Variants in SMIM40 observed in about 807,000 individuals in gnomAD.
The protein encoded by SMIM40 is small integral membrane protein 40.
intron 1 of SMIM40, among the ~76,000 whole-genome samples, chr6:33,327,861 CAAAAAAA>C (rs375476107): frequency 1.4e-5 from 1 of 70,336 alleles, no homozygotes; most frequent in African/African-American, 5.6e-5. Flanking sequence ...GACTCTGTCA[CAAAAAAA>C]AAAAAAAAAA....
chr6:33,327,027 G>A (rs1350054763), intron 1 of SMIM40, among the ~76,000 whole-genome samples: 1 of 149,204 alleles, frequency 6.7e-6, no homozygotes, highest in Non-Finnish European at 1.5e-5. Context: ...GGGAGGCTGA[G>A]GCAGGAGAAT....
intron 1 of SMIM40, among the ~76,000 whole-genome samples, chr6:33,328,309 T>C (rs1771339853): frequency 6.6e-6 from 1 of 150,990 alleles, no homozygotes; most frequent in South Asian, 2.1e-4. Flanking sequence ...CCTCAGCCTC[T>C]GAGTAGCTGA....
rs1171129560 is a variant in SMIM40, at chr6:33,323,636, T to A, written c.*328A>T. 1 of 152,310 alleles carries A rather than the reference T, an allele frequency of 6.6e-6. No homozygotes were observed. The highest frequency in any genetic ancestry group is 1.5e-5 in the Non-Finnish European group (1 of 68,058). The allele number at this position is 152,310 out of a possible 1,614,324, so 9.4% of individuals were successfully genotyped here. A position where few individuals can be genotyped will look rare whatever the true frequency, so the allele number is the denominator to read the frequency against. On this transcript the variant is annotated 3_prime_UTR_variant, in exon 3 of 3. Transcript: ENST00000494082. ...ATGAGCACAACGCGCCATAAAAGTG[T>A]TATTGTTATTACTATTGTTGCTGAT...
In SMIM40 at chr6:33,328,752, G is replaced by T. The variant is rs182580354; in HGVS notation, c.*39+235C>A. On this transcript the variant is annotated intron_variant, in intron 1 of 2. Coordinates refer to ENST00000494082, the MANE Select transcript of SMIM40 (RefSeq NM_001369203.1). ...AAATACAAAATTAGCAGGGGGCGGT[G>T]GCGCATGCCTGTAATCCCAGCTACT... 1.9e-3 allele frequency among the ~76,000 whole-genome samples: 286 copies of T among 152,026 alleles called. 3 individuals carry two copies. Among genetic ancestry groups the T allele is most frequent in the Middle Eastern group, 6.8e-3 (2 of 294 alleles).
chr6:33,324,440 G>T (rs1179149097), intron 1 of SMIM40, among the ~76,000 whole-genome samples: 1 of 147,258 alleles, frequency 6.8e-6, no homozygotes, highest in Non-Finnish European at 1.5e-5. Context: ...CCCCTCAAAA[G>T]TATAGTTCTC....
chr6:33,325,289 C>T (rs1771097454), intron 1 of SMIM40, among the ~76,000 whole-genome samples: 1 of 142,996 alleles, frequency 7.0e-6, no homozygotes, highest in African/African-American at 2.7e-5. Flanking sequence ...ATCGCTTGAA[C>T]CCGGGAGGCG....
intron 1 of SMIM40, among the ~76,000 whole-genome samples, chr6:33,326,323 G>C (rs1008781953): frequency 1.3e-4 from 18 of 139,170 alleles, no homozygotes; most frequent in Non-Finnish European, 2.7e-4. Context: ...ACCATGCCCA[G>C]CTAATTTTTT....
intron 1 of SMIM40, among the ~76,000 whole-genome samples, chr6:33,324,555 T>C (rs1426583014): frequency 6.7e-6 from 1 of 149,712 alleles, no homozygotes; most frequent in East Asian, 1.9e-4. Flanking sequence ...CTTTTTTTTT[T>C]TTTTTTTTTT....
intron 1 of SMIM40, among the ~76,000 whole-genome samples, chr6:33,324,882 CAAAAAAAAA>C (rs376451265): frequency 5.9e-4 from 28 of 47,240 alleles, no homozygotes; most frequent in South Asian, 2.7e-3. Flanking sequence ...GAGATTATCT[CAAAAAAAAA>C]AAAAAAAAAA....
At chr6:33,327,194 G>T (rs1771250344) in intron 1 of SMIM40, among the ~76,000 whole-genome samples, 1 of 149,170 alleles carries the variant, frequency 6.7e-6, no homozygotes, top group Admixed American at 6.6e-5. Flanking sequence ...GGCCGAGGCA[G>T]GCAGATCACG....
intron 1 of SMIM40, among the ~76,000 whole-genome samples, chr6:33,324,880 CT>C (rs1771056236): frequency 4.5e-5 from 1 of 22,000 alleles, no homozygotes; most frequent in Non-Finnish European, 9.0e-5. Flanking sequence ...GCGAGATTAT[CT>C]CAAAAAAAAA....
chr6:33,325,792 A>C (rs185218691), intron 1 of SMIM40, among the ~76,000 whole-genome samples: 10,173 of 146,304 alleles, frequency 0.07, 1,562 homozygotes, highest in African/African-American at 0.22. Flanking sequence ...CGGGAGGCGG[A>C]GCTTGCAGTG....
chr6:33,328,674 G>A (rs1562747630), intron 1 of SMIM40, among the ~76,000 whole-genome samples: 1 of 151,722 alleles, frequency 6.6e-6, no homozygotes, highest in Non-Finnish European at 1.5e-5. Context: ...AGATACCTGA[G>A]GTCGGAGTTG....
At chr6:33,324,416 CT>C (rs1771001846) in intron 1 of SMIM40, among the ~76,000 whole-genome samples, 2 of 150,004 alleles carry the variant, frequency 1.3e-5, no homozygotes, top group African/African-American at 4.9e-5. Context: ...GAATAGTTCT[CT>C]TTTTTCCCCT....
chr6:33,328,536 A>G (rs900658747), intron 1 of SMIM40, among the ~76,000 whole-genome samples: 1 of 152,058 alleles, frequency 6.6e-6, no homozygotes, highest in African/African-American at 2.4e-5. Context: ...ACTTAAAGAT[A>G]TATGAAGGAG....
intron 1 of SMIM40, among the ~76,000 whole-genome samples, chr6:33,325,273 A>G (rs1022256720): frequency 6.8e-6 from 1 of 147,356 alleles, no homozygotes. Flanking sequence ...AGGCTGAGGC[A>G]GGAGAATCGC....
intron 1 of SMIM40, 84 bp downstream of exon 1, chr6:33,328,903 A>AG: frequency 3.3e-6 from 1 of 301,118 alleles, no homozygotes; most frequent in Admixed American, 6.0e-5. Context: ...AAAAAAAAAA[A>AG]AAAAAAGACT....
At chr6:33,325,837 G>A (rs1300981827) in intron 1 of SMIM40, among the ~76,000 whole-genome samples, 53 of 145,498 alleles carry the variant, frequency 3.6e-4, no homozygotes, top group Admixed American at 2.4e-3. Context: ...CAGCCTGGGC[G>A]ACAGAGCGAG....
intron 1 of SMIM40, among the ~76,000 whole-genome samples, chr6:33,324,912 A>AAAAAAT: frequency 7.9e-6 from 1 of 126,910 alleles, no homozygotes; most frequent in Non-Finnish European, 1.7e-5. Context: ...AAAAAAAAAA[A>AAAAAAT]GGAAAAAAAA....
Sources: gnomAD v4.1 joint callset for allele counts (sites outside exome capture counted in the v4.1 genomes callset) on GRCh38, gnomAD v4.1.1 for gene constraint, MANE v1.5 for transcripts, NCBI Gene and HGNC (gene_info 2026-07-23, HGNC 2026-07-21) for gene names.